ROBO2: variants seen among roughly 807,000 people sequenced by gnomAD.
ROBO2 encodes the protein roundabout guidance receptor 2.
A neutral mutation model predicts 160.8 loss-of-function variants in ROBO2; 53 were observed. The observed-to-expected ratio is 0.33, with a 90% CI of 0.26 to 0.41. The LOEUF is 0.41. Among genes scored for constraint, ROBO2 ranks in the 10% least tolerant of loss-of-function variants. ROBO2 has a pLI of 1.00. For synonymous variants in ROBO2, 664 were observed against 611.7 expected, an observed-to-expected ratio of 1.09 and a Z score of -1.26; for missense variants, 1,577 against 1,722.4, an observed-to-expected ratio of 0.92 and a Z score of 1.49.
chr3:77,143,990 A>G (rs1362477891), intron 2 of ROBO2, among the ~76,000 whole-genome samples: 3 of 152,170 alleles, frequency 2.0e-5, no homozygotes, highest in Non-Finnish European at 4.4e-5. Context: ...AAAATAAGTT[A>G]TGTCAGGTTA....
At chr3:77,632,031 G>A (rs1350111838) in intron 23 of ROBO2, 3 of 152,366 alleles carry the variant, frequency 2.0e-5, no homozygotes, top group African/African-American at 7.2e-5. Context: ...GATATACAGT[G>A]TAGTTTCTAT....
rs776837379 is a variant in ROBO2, at chr3:76,250,898, G to A, written c.109+313296G>A. ...GTTATTTTCAAAACTTGACTCCAGG[G>A]GTAAAAAGTAAGCAACAACTTTTAT... is the stretch of plus-strand genomic sequence containing the variant. On this transcript the variant is annotated intron_variant, in intron 2 of 26. Transcript: ENST00000487694. 2.7e-4 allele frequency among the ~76,000 whole-genome samples: 41 copies of A among 151,942 alleles called. No individual in the cohort carries two copies. The Middle Eastern group carries it at 0.02, about 76-fold the overall frequency.
intron 2 of ROBO2, among the ~76,000 whole-genome samples, chr3:76,478,525 A>C (rs928321876): frequency 6.6e-6 from 1 of 151,994 alleles, no homozygotes; most frequent in African/African-American, 2.4e-5. Context: ...CTTACACAAA[A>C]ATTAATTCAA....
At chr3:76,002,278 A>G (rs1386826742) in intron 2 of ROBO2, among the ~76,000 whole-genome samples, 1 of 152,176 alleles carries the variant, frequency 6.6e-6, no homozygotes, top group Non-Finnish European at 1.5e-5. Context: ...AGATGATGTG[A>G]AGATACAGGA....
At chr3:76,071,780 T>TA (rs2068463105) in intron 2 of ROBO2, among the ~76,000 whole-genome samples, 2 of 151,834 alleles carry the variant, frequency 1.3e-5, no homozygotes, top group Non-Finnish European at 2.9e-5. Flanking sequence ...AAAATATATA[T>TA]TTTTTAATGA....
At chr3:77,467,230 A>T (rs1337832582) in intron 2 of ROBO2, among the ~76,000 whole-genome samples, 2 of 152,242 alleles carry the variant, frequency 1.3e-5, no homozygotes, top group African/African-American at 4.8e-5. Context: ...ATTTTAATTT[A>T]AAAGTGCATG....
rs757301362 is a variant in ROBO2 at position 76,694,703 on chromosome 3, G to A, written c.110-403311G>A. Among the ~76,000 whole-genome samples the A allele has an allele frequency of 2.8e-4, 43 of 152,078 alleles. 1 individual carries two copies. The highest frequency in any genetic ancestry group is 3.9e-4 in the Admixed American group (6 of 15,274). ...CAGTAAACATAAACTTCTAATATAT[G>A]CAAAGTATATGGTGCTATGGGAAAT... On this transcript the variant is annotated intron_variant, in intron 2 of 26. Transcript: ENST00000487694.
rs1414636311 is a variant in ROBO2, at chr3:77,632,466, G to A, written c.3761-2404G>A. 6 of 1,524,892 alleles carry A rather than the reference G, an allele frequency of 3.9e-6. No homozygotes were observed. The Admixed American group carries it at 1.2e-4, about 30-fold the overall frequency. 94.5% of individuals were successfully genotyped at this position (1,524,892 alleles called of 1,614,324 possible). ...TACAACTCACTAGACAACTACATTTGTTTTTAGGTTCAATGGTAAATGGAT... is the reference window on the plus strand; with the variant it reads ...TACAACTCACTAGACAACTACATTTATTTTTAGGTTCAATGGTAAATGGAT... On this transcript the variant is annotated intron_variant, in intron 23 of 25. Transcript: ENST00000461745.
intron 2 of ROBO2, among the ~76,000 whole-genome samples, chr3:76,084,580 C>T (rs2068944503): frequency 6.6e-6 from 1 of 152,086 alleles, no homozygotes; most frequent in African/African-American, 2.4e-5. Context: ...TATTATTCCA[C>T]CTGTACTGAC....
At chr3:76,721,292 C>T (rs1212739973) in intron 2 of ROBO2, among the ~76,000 whole-genome samples, 1 of 152,118 alleles carries the variant, frequency 6.6e-6, no homozygotes, top group Non-Finnish European at 1.5e-5. Context: ...ATTACCTGAG[C>T]TTCTGTGATA....
chr3:76,452,810 A>G lies in ROBO2; in HGVS notation c.109+515208A>G, dbSNP rs1264107486. ...CCACCAACAGTGTAAAAGTGTTCCT[A>G]TTTCTCCACATCCTCTCCAGCACCT... On this transcript the variant is annotated intron_variant, in intron 2 of 26. Transcript: ENST00000487694. 2.6e-5 allele frequency among the ~76,000 whole-genome samples: 4 copies of G among 151,752 alleles called. No individual in the cohort carries two copies. The South Asian group carries it at 6.2e-4, about 24-fold the overall frequency.
chr3:76,812,010 A>G (rs2065233444), intron 2 of ROBO2, among the ~76,000 whole-genome samples: 1 of 150,080 alleles, frequency 6.7e-6, no homozygotes, highest in South Asian at 2.1e-4. Flanking sequence ...AGCTAGGACT[A>G]TAGGTGCCCA....
intron 1 of ROBO2, among the ~76,000 whole-genome samples, chr3:75,929,404 C>T (rs76417336): frequency 2.6e-5 from 4 of 152,248 alleles, no homozygotes; most frequent in Admixed American, 2.0e-4. Context: ...TCAAAATTCA[C>T]GTTTGCTAAG....
At chr3:75,997,651 C>A (rs2065769016) in intron 2 of ROBO2, among the ~76,000 whole-genome samples, 1 of 152,016 alleles carries the variant, frequency 6.6e-6, no homozygotes. Context: ...GCCACCATGC[C>A]TGGCTAATTT....
intron 2 of ROBO2, among the ~76,000 whole-genome samples, chr3:76,195,821 G>C (rs890596157): frequency 2.0e-5 from 3 of 152,186 alleles, no homozygotes; most frequent in African/African-American, 7.2e-5. Context: ...GCAAAGGACA[G>C]CTGCAAATGG....
chr3:76,262,585 A>G (rs1706838376), intron 2 of ROBO2, among the ~76,000 whole-genome samples: 2 of 152,098 alleles, frequency 1.3e-5, no homozygotes, highest in Non-Finnish European at 2.9e-5. Flanking sequence ...CCCTACTTAT[A>G]TACTTGGGGT....
At chr3:77,534,383 ATACT>A in intron 6 of ROBO2, among the ~76,000 whole-genome samples, 1 of 152,152 alleles carries the variant, frequency 6.6e-6, no homozygotes. Flanking sequence ...AATAATATAA[ATACT>A]TAGGCCCAAA....
intron 2 of ROBO2, among the ~76,000 whole-genome samples, chr3:76,699,257 T>C (rs1374311771): frequency 6.6e-6 from 1 of 151,928 alleles, no homozygotes; most frequent in Non-Finnish European, 1.5e-5. Flanking sequence ...TCAGATCTGC[T>C]GTTTATCCAG....
intron 1 of ROBO2, among the ~76,000 whole-genome samples, chr3:75,917,726 A>T (rs562457668): frequency 3.3e-5 from 5 of 152,282 alleles, no homozygotes; most frequent in South Asian, 2.1e-4. Context: ...AATGATCACC[A>T]TTCTAACTGG....
Sources: gnomAD v4.1 joint callset for allele counts (sites outside exome capture counted in the v4.1 genomes callset) on GRCh38, gnomAD v4.1.1 for gene constraint, MANE v1.5 for transcripts, NCBI Gene and HGNC (gene_info 2026-07-23, HGNC 2026-07-21) for gene names.